ATL2: variants seen among roughly 807,000 people sequenced by gnomAD.
The protein encoded by ATL2 is atlastin-2.
In ATL2, 31 loss-of-function variants were observed where a neutral mutation model predicts 73.9. The ratio of observed to expected loss-of-function variants is 0.42; its 90% CI spans 0.32 to 0.57. The LOEUF (loss-of-function observed/expected upper bound fraction) is 0.57, where lower values mean the gene tolerates loss of function less well. Among genes scored for constraint, ATL2 ranks in the 20% least tolerant of loss-of-function variants. The pLI, the probability that ATL2 is intolerant of heterozygous loss-of-function variation, is 0.14. For synonymous variants in ATL2, 291 were observed against 237.5 expected, an observed-to-expected ratio of 1.23 and a Z score of -2.07; for missense variants, 738 against 702.6, an observed-to-expected ratio of 1.05 and a Z score of -0.57.
intron 1 of ATL2, among the ~76,000 whole-genome samples, chr2:38,360,930 CA>C (rs201457850): frequency 4.2e-4 from 58 of 137,756 alleles, no homozygotes; most frequent in South Asian, 3.7e-3. Flanking sequence ...TTGGTAACTA[CA>C]AAAAAAAAAA....
chr2:38,370,863 G>A (rs565579583), intron 1 of ATL2, among the ~76,000 whole-genome samples: 2 of 152,072 alleles, frequency 1.3e-5, no homozygotes, highest in Non-Finnish European at 2.9e-5. Context: ...CTGAAATGGC[G>A]GGGGTGGGGG....
At chr2:38,359,855 C>T (rs188926439) in intron 1 of ATL2, among the ~76,000 whole-genome samples, 8 of 152,068 alleles carry the variant, frequency 5.3e-5, no homozygotes, top group East Asian at 1.9e-4. Flanking sequence ...TGGCCGGGCG[C>T]GGTGGCTCAC....
Position 38,298,213 on chromosome 2 carries a change from A to C in ATL2, c.1563T>G (p.Val521=), listed in dbSNP as rs1260150960. ...ALIFLCTWAY[V]KYSGEFREIG... ...TTTCTCTGAACTCCCCAGAGTATTTAACATATGCCCAAGTACAAAGAAATA... is the reference window on the plus strand; with the variant it reads ...TTTCTCTGAACTCCCCAGAGTATTTCACATATGCCCAAGTACAAAGAAATA... Residue 521 remains valine (V), a synonymous_variant, in exon 12 of 13, where the codon GTT becomes GTG. Coordinates refer to ENST00000378954, the MANE Select transcript of ATL2 (RefSeq NM_001135673.4). The C allele has an allele frequency of 1.2e-6, 2 of 1,614,032 alleles. No individual in the cohort carries two copies. The highest frequency in any genetic ancestry group is 1.6e-4 in the Middle Eastern group (1 of 6,084).
chr2:38,318,276 G>C (rs554699982), intron 4 of ATL2: 3 of 275,196 alleles, frequency 1.1e-5, no homozygotes, highest in African/African-American at 4.4e-5. Flanking sequence ...TCAGGAGTTC[G>C]AGACCAGCCT....
intron 1 of ATL2, among the ~76,000 whole-genome samples, chr2:38,367,005 T>C (rs1671366249): frequency 6.6e-6 from 1 of 152,106 alleles, no homozygotes; most frequent in Non-Finnish European, 1.5e-5. Flanking sequence ...TCTTTATTAC[T>C]ATTATTATTT....
chr2:38,365,422 A>G (rs1410328335), intron 1 of ATL2, among the ~76,000 whole-genome samples: 1 of 152,172 alleles, frequency 6.6e-6, no homozygotes, highest in Non-Finnish European at 1.5e-5. Context: ...TGGGAGGCCG[A>G]GGCAGGCAGA....
intron 12 of ATL2, chr2:38,296,828 C>G (rs763637458): frequency 8.5e-5 from 117 of 1,369,356 alleles, no homozygotes; most frequent in Non-Finnish European, 1.1e-4. Flanking sequence ...TTAGATTCTT[C>G]CATTTAATTG....
intron 2 of ATL2, among the ~76,000 whole-genome samples, chr2:38,330,862 C>CT (rs1668947163): frequency 6.6e-6 from 1 of 152,158 alleles, no homozygotes; most frequent in Non-Finnish European, 1.5e-5. Flanking sequence ...CTTGTAGAAA[C>CT]TGAGAAGCTA....
chr2:38,345,561 T>TTAC (rs1015063970), intron 1 of ATL2, among the ~76,000 whole-genome samples: 54 of 152,256 alleles, frequency 3.5e-4, no homozygotes, highest in Admixed American at 1.8e-3. Context: ...TCTTTGAAAG[T>TTAC]AAAAGCAATC....
At chr2:38,324,317 G>A (rs544446790) in intron 2 of ATL2, among the ~76,000 whole-genome samples, 1 of 152,244 alleles carries the variant, frequency 6.6e-6, no homozygotes, top group East Asian at 1.9e-4. Flanking sequence ...TAATAAGCGA[G>A]ATCCTCCCTA....
intron 9 of ATL2, among the ~76,000 whole-genome samples, chr2:38,308,219 C>T: frequency 6.6e-6 from 1 of 152,104 alleles, no homozygotes. Context: ...TATCAATATA[C>T]GAATGGATAA....
intron 7 of ATL2, among the ~76,000 whole-genome samples, chr2:38,312,345 T>C (rs942287908): frequency 1.3e-5 from 2 of 152,192 alleles, no homozygotes; most frequent in Non-Finnish European, 1.5e-5. Context: ...GAGTGAGTTA[T>C]CACGAGATCT....
chr2:38,299,789 T>C (rs1269146248), intron 10 of ATL2, among the ~76,000 whole-genome samples: 1 of 152,166 alleles, frequency 6.6e-6, no homozygotes, highest in East Asian at 1.9e-4. Context: ...AAGTAGTAAA[T>C]GTTTTAAAAT....
chr2:38,341,208 G>C (rs1669695717), intron 2 of ATL2, among the ~76,000 whole-genome samples: 1 of 152,136 alleles, frequency 6.6e-6, no homozygotes, highest in Non-Finnish European at 1.5e-5. Flanking sequence ...ATATACACAA[G>C]CTAACTTAAG....
intron 2 of ATL2, among the ~76,000 whole-genome samples, chr2:38,334,867 T>TAA (rs1267000965): frequency 2.2e-5 from 3 of 137,208 alleles, no homozygotes; most frequent in African/African-American, 5.3e-5. Context: ...TTATATATTA[T>TAA]ATAATATATA....
At chr2:38,318,478 A>G in intron 4 of ATL2, 57 bp downstream of exon 4, 1 of 1,362,988 alleles carries the variant, frequency 7.3e-7, no homozygotes, top group Non-Finnish European at 1.0e-6. Flanking sequence ...AAAAAGAAAA[A>G]AAAAAGGGGC....
rs1252021177 is a variant in ATL2, at chr2:38,298,552, G to A, written c.1224C>T (p.Tyr408=). Residue 408 remains tyrosine, a synonymous_variant, in exon 12 of 13, where the codon TAC becomes TAT. Coordinates refer to ENST00000378954, the MANE Select transcript of ATL2 (RefSeq NM_001135673.4). ...TTCGCTCCAGATCTGAAGGTGCAAT[G>A]TAAGGCTTGTCCCCTCCACATACCT... ...MEQVCGGDKP[Y]IAPSDLERKH... The A allele has an allele frequency of 1.2e-6, 2 of 1,613,982 alleles. No individual in the cohort carries two copies. The highest frequency in any genetic ancestry group is 1.7e-6 in the Non-Finnish European group (2 of 1,179,974).
intron 12 of ATL2, 138 bp from the exon 13 acceptor site, chr2:38,296,251 CA>C (rs1558378598): frequency 3.5e-6 from 5 of 1,430,296 alleles, no homozygotes; most frequent in Middle Eastern, 2.5e-4. Flanking sequence ...ATGCTTCTCT[CA>C]AAAAAACTTA....
chr2:38,360,243 G>A (rs563844162), intron 1 of ATL2, among the ~76,000 whole-genome samples: 81 of 149,614 alleles, frequency 5.4e-4, no homozygotes, highest in African/African-American at 1.0e-3. Context: ...TAGAATAAGC[G>A]ATGGCTCAGG....
Sources: allele counts gnomAD v4.1 joint callset (sites outside exome capture counted in the v4.1 genomes callset), GRCh38; gene constraint gnomAD v4.1.1; transcripts MANE v1.5; gene names NCBI Gene and HGNC (gene_info 2026-07-23, HGNC 2026-07-21).